Variants in GIGYF2 observed in about 807,000 individuals in gnomAD.
The protein encoded by GIGYF2 is GRB10-interacting GYF protein 2.
Under a neutral mutation model 208.1 loss-of-function variants are expected in GIGYF2, and 25 were observed. The ratio of observed to expected loss-of-function variants is 0.12; its 90% CI spans 0.09 to 0.17. The LOEUF (loss-of-function observed/expected upper bound fraction) is 0.17. Ranked by LOEUF, GIGYF2 falls within the 10% of genes least tolerant of loss-of-function variation. The pLI is 1.00. For synonymous variants in GIGYF2, 534 were observed against 543.8 expected (o/e 0.98, Z 0.25); for missense variants, 1,302 against 1,579.4 (o/e 0.82, Z 2.98).
chr2:232,812,621 ATTT>A (rs1407909013), intron 18 of GIGYF2, 130 bp downstream of exon 18: 1 of 638,368 alleles, frequency 1.6e-6, no homozygotes, highest in Admixed American at 2.5e-5. Context: ...CAAAAGGTCC[ATTT>A]TTTACTAGAT....
intron 28 of GIGYF2, among the ~76,000 whole-genome samples, chr2:232,852,950 T>C (rs995586662): frequency 6.6e-6 from 1 of 152,034 alleles, no homozygotes; most frequent in Non-Finnish European, 1.5e-5. Context: ...GGGAGATAGG[T>C]CATCCTAGGA....
At chr2:232,775,815 T>C (rs1190252601) in intron 8 of GIGYF2, among the ~76,000 whole-genome samples, 1 of 152,226 alleles carries the variant, frequency 6.6e-6, no homozygotes, top group Non-Finnish European at 1.5e-5. Flanking sequence ...GGCATTACTA[T>C]GTATTTGTTC....
At chr2:232,823,430 A>G (rs1477639055) in intron 21 of GIGYF2, among the ~76,000 whole-genome samples, 1 of 147,374 alleles carries the variant, frequency 6.8e-6, no homozygotes, top group East Asian at 2.0e-4. Context: ...TTGGCTCACT[A>G]CAGCCTCAAC....
chr2:232,748,646 C>T (rs1376419225), intron 4 of GIGYF2, among the ~76,000 whole-genome samples: 2 of 152,204 alleles, frequency 1.3e-5, no homozygotes, highest in African/African-American at 4.8e-5. Flanking sequence ...TTGCTAAGGA[C>T]ACATACAGTT....
intron 14 of GIGYF2, among the ~76,000 whole-genome samples, chr2:232,798,859 A>G (rs1700303072): frequency 1.3e-5 from 2 of 151,314 alleles, no homozygotes; most frequent in African/African-American, 4.8e-5. Context: ...CCATTTTTAA[A>G]TATATGGTTC....
chr2:232,730,918 AAAAAG>A (rs1697461236), intron 2 of GIGYF2, among the ~76,000 whole-genome samples: 1 of 151,442 alleles, frequency 6.6e-6, no homozygotes, highest in African/African-American at 2.4e-5. Flanking sequence ...AAAAAAAAAA[AAAAAG>A]AAATCTTTAC....
intron 6 of GIGYF2, among the ~76,000 whole-genome samples, chr2:232,759,480 G>A (rs372052520): frequency 1.3e-5 from 2 of 151,912 alleles, no homozygotes; most frequent in Admixed American, 1.3e-4. Flanking sequence ...CTAACAATTG[G>A]ATATATAGCC....
In GIGYF2 at chr2:232,781,074, C is replaced by T. The variant is rs1266610226; in HGVS notation, c.533-6076C>T. On this transcript the variant is annotated intron_variant, in intron 8 of 28. Transcript: ENST00000373563. ...CCGGGTTCAAGTGATTCTCCTGCCTCAGCCTCCTGAGTAGCTGGGACTACA... is the reference window on the plus strand; with the variant it reads ...CCGGGTTCAAGTGATTCTCCTGCCTTAGCCTCCTGAGTAGCTGGGACTACA... Among the ~76,000 whole-genome samples, 6 of 152,216 alleles carry T rather than the reference C, an allele frequency of 3.9e-5. No homozygotes were observed. The East Asian group carries it at 1.2e-3, about 29-fold the overall frequency.
chr2:232,844,443 A>T lies in GIGYF2; in HGVS notation c.3174A>T (p.Ala1058=). 4 of 1,613,114 alleles carry T rather than the reference A, an allele frequency of 2.5e-6. No homozygotes were observed. The highest frequency in any genetic ancestry group is 3.4e-6 in the Non-Finnish European group (4 of 1,179,030). ...SINTGPPNQW[A]SDLVSSIWSN... ...ATACTGGTCCTCCTAACCAGTGGGC[A>T]TCTGACCTAGTCAGTAGTATTTGGA... Residue 1058 remains alanine, a synonymous_variant, in exon 25 of 29, where the codon GCA becomes GCT. Coordinates refer to ENST00000373563, the MANE Select transcript of GIGYF2 (RefSeq NM_001103146.3).
At chr2:232,789,345 G>T (rs578070139) in intron 9 of GIGYF2, among the ~76,000 whole-genome samples, 1 of 152,252 alleles carries the variant, frequency 6.6e-6, no homozygotes, top group Admixed American at 6.5e-5. Context: ...CATGAGCCAG[G>T]TACCTAGAAG....
In GIGYF2 at chr2:232,760,536, GT is replaced by G; in HGVS notation, c.441del (p.Phe147LeufsTer31). On this transcript the variant is annotated frameshift_variant, in exon 7 of 29. Coordinates refer to ENST00000373563, the MANE Select transcript of GIGYF2 (RefSeq NM_001103146.3). LOFTEE classifies it high-confidence loss of function. ...AAGAAGTTTTGATGAAGTAGAGGGT[GT>G]TTTTGGTCGAGGAGGTGGCAGAGAA... ...YQRSFDEVEG[V>X]FGRGGGREMH... The G allele has an allele frequency of 1.2e-6, 2 of 1,613,586 alleles. No homozygotes were observed. The highest frequency in any genetic ancestry group is 1.7e-6 in the Non-Finnish European group (2 of 1,179,674).
chr2:232,700,307 C>T (rs1378349616), intron 1 of GIGYF2, among the ~76,000 whole-genome samples: 1 of 152,154 alleles, frequency 6.6e-6, no homozygotes, highest in Non-Finnish European at 1.5e-5. Context: ...TCTTTGATGT[C>T]ATATCAGCTC....
intron 14 of GIGYF2, among the ~76,000 whole-genome samples, chr2:232,799,948 C>G (rs1489495312): frequency 2.0e-5 from 3 of 150,402 alleles, no homozygotes; most frequent in African/African-American, 7.3e-5. Flanking sequence ...TATTCAAGTC[C>G]TTTGCCTTTT....
intron 8 of GIGYF2, among the ~76,000 whole-genome samples, chr2:232,783,139 A>G (rs1439624436): frequency 6.6e-6 from 1 of 152,208 alleles, no homozygotes; most frequent in Non-Finnish European, 1.5e-5. Flanking sequence ...TGTACTAACA[A>G]AAGAGAGACA....
At chr2:232,754,119 C>T (rs1191594482) in intron 5 of GIGYF2, among the ~76,000 whole-genome samples, 1 of 150,986 alleles carries the variant, frequency 6.6e-6, no homozygotes, top group Non-Finnish European at 1.5e-5. Flanking sequence ...GAGCTGAGAT[C>T]GTGCCACTGC....
chr2:232,819,541 C>T (rs575279684), intron 20 of GIGYF2, among the ~76,000 whole-genome samples: 13 of 152,252 alleles, frequency 8.5e-5, no homozygotes, highest in Non-Finnish European at 1.2e-4. Flanking sequence ...GCTCTTTCTA[C>T]GGTTAATCAG....
In GIGYF2 at chr2:232,824,189, A is replaced by G. The variant is rs184965844; in HGVS notation, c.2529+4204A>G. Among the ~76,000 whole-genome samples, 31 of 152,314 alleles carry G rather than the reference A, an allele frequency of 2.0e-4. 2 individuals are homozygous for G. Among genetic ancestry groups the G allele is most frequent in the Admixed American group, 1.8e-3 (27 of 15,302 alleles). On this transcript the variant is annotated intron_variant, in intron 21 of 28. Coordinates refer to ENST00000373563, the MANE Select transcript of GIGYF2 (RefSeq NM_001103146.3). ...GGAAATTAGGCCAATTGGATAACCTACAATGGCCTCTAAGGGTTCAAGTGA... is the reference window on the plus strand; with the variant it reads ...GGAAATTAGGCCAATTGGATAACCTGCAATGGCCTCTAAGGGTTCAAGTGA...
intron 8 of GIGYF2, among the ~76,000 whole-genome samples, chr2:232,779,681 T>C (rs927194435): frequency 3.3e-5 from 5 of 152,228 alleles, no homozygotes; most frequent in Non-Finnish European, 7.3e-5. Flanking sequence ...GTGGTACATA[T>C]TCAGATGGCC....
At chr2:232,700,361 T>C (rs1695788010) in intron 1 of GIGYF2, among the ~76,000 whole-genome samples, 1 of 152,242 alleles carries the variant, frequency 6.6e-6, no homozygotes, top group African/African-American at 2.4e-5. Flanking sequence ...ATATTGTCTC[T>C]TCTCTTTTTG....
Sources: gnomAD v4.1 joint callset for allele counts (sites outside exome capture counted in the v4.1 genomes callset) on GRCh38, gnomAD v4.1.1 for gene constraint, MANE v1.5 for transcripts, NCBI Gene and HGNC (gene_info 2026-07-23, HGNC 2026-07-21) for gene names.